The following BAZ2B variants were observed in gnomAD, a reference collection of about 807,000 sequenced individuals.
BAZ2B encodes bromodomain adjacent to zinc finger domain 2B, also known as bromodomain adjacent to zinc finger domain protein 2B.
In BAZ2B, 91 loss-of-function variants were observed where a neutral mutation model predicts 246.0. The ratio of observed to expected loss-of-function variants is 0.37; its 90% CI spans 0.31 to 0.44. The LOEUF (loss-of-function observed/expected upper bound fraction) is 0.44, where lower values mean the gene tolerates loss of function less well. BAZ2B is among the 20% of genes least tolerant of loss of function. The pLI, the probability that BAZ2B is intolerant of heterozygous loss-of-function variation, is 1.00. For missense variants in BAZ2B, 2,332 were observed against 2,533.7 expected (o/e 0.92, Z 1.71); for synonymous variants, 855 against 860.0 (o/e 0.99, Z 0.10).
chr2:159,324,838 G>T lies in BAZ2B; in HGVS notation c.6326C>A (p.Thr2109Lys). The T allele has an allele frequency of 1.3e-6, 2 of 1,507,354 alleles. No homozygotes were observed. The highest frequency in any genetic ancestry group is 1.8e-6 in the Non-Finnish European group (2 of 1,135,106). The allele number at this position is 1,507,354 out of a possible 1,614,324, so 93.4% of individuals were successfully genotyped here. A position where few individuals can be genotyped will look rare whatever the true frequency, so the allele number is the denominator to read the frequency against. The change falls in exon 36 of 37, where the codon ACA becomes AAA. Residue 2109 changes from threonine to lysine, a missense_variant. Thr to Lys is a moderately conservative substitution (Grantham distance 78). Transcript: ENST00000392783. ...TCCACTACTTAGTTTCTCTCTAATT[G>T]TGGAAAAATCCATAGGCTTCTTAAT... Reference protein sequence around the residue: ...KVIKKPMDFSTIREKLSSGQY... With the variant: ...KVIKKPMDFSKIREKLSSGQY...
chr2:159,325,591 G>T, intron 35 of BAZ2B, 62 bp downstream of exon 35: 6 of 1,498,632 alleles, frequency 4.0e-6, no homozygotes, highest in East Asian at 2.4e-5. Context: ...TATGGTAAAA[G>T]GTTTCTAAAC....
At chr2:159,535,956 T>C (rs77012951) in intron 2 of BAZ2B, among the ~76,000 whole-genome samples, 13,914 of 152,312 alleles carry the variant, frequency 0.091, 711 homozygotes, top group South Asian at 0.13. Context: ...CCCCAAGTTC[T>C]CATACATTAA....
intron 30 of BAZ2B, 122 bp from the exon 31 acceptor site, chr2:159,347,768 T>A: frequency 1.3e-6 from 1 of 779,252 alleles, no homozygotes; most frequent in Non-Finnish European, 2.0e-6. Flanking sequence ...CATACACAAA[T>A]GCACTTGTGT....
At chr2:159,470,420 A>G (rs555726997) in intron 3 of BAZ2B, among the ~76,000 whole-genome samples, 1 of 152,366 alleles carries the variant, frequency 6.6e-6, no homozygotes, top group South Asian at 2.1e-4. Context: ...GTCAAAATTC[A>G]TTAAAGTATA....
chr2:159,673,953 G>A, the BAZ2B span, among the ~76,000 whole-genome samples: 1 of 152,182 alleles, frequency 6.6e-6, no homozygotes, highest in Admixed American at 6.5e-5. Flanking sequence ...AGGGACAGAA[G>A]AAGGAATGAC....
intron 16 of BAZ2B, among the ~76,000 whole-genome samples, chr2:159,404,134 A>G (rs1489717544): frequency 6.6e-6 from 1 of 152,184 alleles, no homozygotes; most frequent in East Asian, 1.9e-4. Context: ...TTTTAAAAGA[A>G]TAGTACTTTC....
At chr2:159,521,427 A>C (rs1419848991) in intron 2 of BAZ2B, among the ~76,000 whole-genome samples, 2 of 152,102 alleles carry the variant, frequency 1.3e-5, no homozygotes, top group African/African-American at 2.4e-5. Flanking sequence ...ATTGCAACAT[A>C]ATAGATACAC....
intron 3 of BAZ2B, among the ~76,000 whole-genome samples, chr2:159,474,484 C>T (rs1438788003): frequency 6.6e-6 from 1 of 152,200 alleles, no homozygotes; most frequent in Non-Finnish European, 1.5e-5. Context: ...GAATACAGCA[C>T]ATCCATGGGT....
At position 159,382,576 on chromosome 2, in the gene BAZ2B, C is replaced by T. The variant is rs758116224; in HGVS notation, c.3988G>A (p.Asp1330Asn). The T allele has an allele frequency of 1.4e-5, 21 of 1,550,600 alleles. No individual in the cohort carries two copies. The Admixed American group carries it at 3.9e-4, about 29-fold the overall frequency. Reference protein sequence around the residue: ...DKEDKKGKKTDICEDEDEGDQ... With the variant: ...DKEDKKGKKTNICEDEDEGDQ... ...TTCATTACCTCATCTTCACAGATAT[C>T]AGTCTTTTTTCCTTTTTTGTCTTCT... Residue 1330 changes from aspartate to asparagine, a missense_variant, in exon 25 of 37, where the codon GAT becomes AAT. Physicochemically the swap from Asp to Asn is conservative, Grantham distance 23 (BLOSUM62 1). This residue lies in a region of BAZ2B where 676 missense variants were observed against 668.6 expected (regional missense o/e 1.01). Transcript: ENST00000392783.
Position 159,389,373 on chromosome 2 carries a change from T to C in BAZ2B, c.3188A>G (p.Asn1063Ser). The C allele has an allele frequency of 6.2e-7, 1 of 1,611,100 alleles. No individual in the cohort carries two copies. The highest frequency in any genetic ancestry group is 8.5e-7 in the Non-Finnish European group (1 of 1,178,472). The change falls in exon 21 of 37, where the codon AAT becomes AGT. Residue 1063 changes from asparagine to serine, a missense_variant. Transcript: ENST00000392783. The stretch of plus-strand genomic sequence containing the variant: ...TTGGTCTGCTAAGCACATGTCTTCA[T>C]TAGGCTTCTTTAGTTCCTTTGCCAT... ...LEMAKELKKP[N>S]EDMCLADQKP...
At chr2:159,421,212 T>C (rs1415142389) in intron 13 of BAZ2B, among the ~76,000 whole-genome samples, 1 of 152,036 alleles carries the variant, frequency 6.6e-6, no homozygotes, top group Non-Finnish European at 1.5e-5. Flanking sequence ...TCTCAATCTG[T>C]CACCTAGGCT....
chr2:159,349,997 G>A lies in BAZ2B; in HGVS notation c.4574C>T (p.Ser1525Phe). The change falls in exon 28 of 37, where the codon TCT becomes TTT. Residue 1525 changes from serine to phenylalanine, a missense_variant. This residue lies in a region of BAZ2B where 676 missense variants were observed against 668.6 expected (regional missense o/e 1.01). Transcript: ENST00000392783. ...TGAACCAGTATTAAACAGATTATTAGAGTCTGCCTTTTCCACATTGCTTTG... is the reference window on the plus strand; with the variant it reads ...TGAACCAGTATTAAACAGATTATTAAAGTCTGCCTTTTCCACATTGCTTTG... ...ATQSNVEKAD[S>F]NNLFNTGSSG... is the part of the protein sequence containing the mutation. 1 of 1,614,182 alleles carries A rather than the reference G, an allele frequency of 6.2e-7. No individual in the cohort carries two copies. The highest frequency in any genetic ancestry group is 8.5e-7 in the Non-Finnish European group (1 of 1,180,028).
chr2:159,682,328 G>A, the BAZ2B span, among the ~76,000 whole-genome samples: 1 of 151,610 alleles, frequency 6.6e-6, no homozygotes, highest in Non-Finnish European at 1.5e-5. Flanking sequence ...CTACAGGCAT[G>A]GACCACCATG....
chr2:159,417,175 G>T (rs28505967), intron 13 of BAZ2B, among the ~76,000 whole-genome samples: 235 of 134,366 alleles, frequency 1.7e-3, no homozygotes, highest in Non-Finnish European at 1.6e-3. Context: ...TTTTTTTTTT[G>T]TTTTTTTTTT....
chr2:159,599,522 A>G (rs1691566908), intron 1 of BAZ2B, among the ~76,000 whole-genome samples: 1 of 151,862 alleles, frequency 6.6e-6, no homozygotes, highest in African/African-American at 2.4e-5. Context: ...GGAGGCTGAG[A>G]CAGGAGAATC....
chr2:159,704,482 CTTTTTTTTTTT>C, the BAZ2B span, among the ~76,000 whole-genome samples: 1 of 117,026 alleles, frequency 8.5e-6, no homozygotes, highest in South Asian at 2.9e-4. Flanking sequence ...CTTTCTTTTT[CTTTTTTTTTTT>C]TTTTTTGAGA....
At chr2:159,455,762 G>GT (rs759816186) in intron 3 of BAZ2B, among the ~76,000 whole-genome samples, 2,171 of 96,880 alleles carry the variant, frequency 0.022, 88 homozygotes, top group African/African-American at 0.034. Flanking sequence ...GAAATATTGT[G>GT]GTTTTTTTTT....
At position 159,428,003 on chromosome 2, in the gene BAZ2B, T is replaced by G. The variant is rs369439769; in HGVS notation, c.2404A>C (p.Asn802His). The stretch of plus-strand genomic sequence containing the variant: ...CTTATTTTTGCACTGAAGCTGAAAT[T>G]GTCCCTTGAGATATCCATTATTCCA... Reference protein sequence around the residue: ...RNGIMDISRDNFSFSAKIRVG... With the variant: ...RNGIMDISRDHFSFSAKIRVG... The change falls in exon 13 of 37, where the codon AAT (asparagine) becomes CAT (histidine). Residue 802 changes from asparagine (N) to histidine (H), a missense_variant. By Grantham distance (68) the Asn-to-His change is moderately conservative. Coordinates refer to ENST00000392783, the MANE Select transcript of BAZ2B (RefSeq NM_013450.4). The G allele has an allele frequency of 1.2e-6, 2 of 1,613,434 alleles. No homozygotes were observed. Among genetic ancestry groups the G allele is most frequent in the Non-Finnish European group, 1.7e-6 (2 of 1,179,578 alleles).
At chr2:159,509,837 A>G (rs1485366071) in intron 2 of BAZ2B, among the ~76,000 whole-genome samples, 1 of 152,138 alleles carries the variant, frequency 6.6e-6, no homozygotes, top group Non-Finnish European at 1.5e-5. Flanking sequence ...GTATACACAA[A>G]TATATGTATA....
Sources: gnomAD v4.1 joint callset for allele counts (sites outside exome capture counted in the v4.1 genomes callset) on GRCh38, gnomAD v4.1.1 for gene constraint, gnomAD v4.1.1 regional missense constraint, MANE v1.5 for transcripts, NCBI Gene and HGNC (gene_info 2026-07-23, HGNC 2026-07-21) for gene names.